The following DGKB variants were observed in gnomAD, a reference collection of about 807,000 sequenced individuals.
DGKB encodes the protein diacylglycerol kinase beta, also known as 90 kDa diacylglycerol kinase.
A neutral mutation model predicts 114.3 loss-of-function variants in DGKB; 67 were observed. That is an observed-to-expected ratio of 0.59 (90% CI 0.48 to 0.72). The LOEUF is 0.72. Ranked by LOEUF, DGKB falls within the 30% of genes least tolerant of loss-of-function variation. The probability of loss-of-function intolerance (pLI) is 0.00; values close to 1 mark genes in which losing one functional copy is unlikely to be tolerated. For missense variants in DGKB, 907 were observed against 975.2 expected (o/e 0.93, Z 0.93); for synonymous variants, 398 against 323.1 (o/e 1.23, Z -2.49).
intron 25 of DGKB, among the ~76,000 whole-genome samples, chr7:14,153,154 T>G (rs1029862678): frequency 4.6e-5 from 7 of 152,114 alleles, no homozygotes; most frequent in Non-Finnish European, 1.0e-4. Context: ...TCTTCCCTGA[T>G]TAGTTTTCCA....
At chr7:14,964,166 C>T (rs947822797) in intron 1 of DGKB, among the ~76,000 whole-genome samples, 5 of 152,014 alleles carry the variant, frequency 3.3e-5, no homozygotes, top group Non-Finnish European at 5.9e-5. Context: ...ATAATATGTG[C>T]TAAGGCATAG....
At chr7:14,855,918 A>G (rs1198837899) in intron 1 of DGKB, among the ~76,000 whole-genome samples, 5 of 151,888 alleles carry the variant, frequency 3.3e-5, no homozygotes, top group Non-Finnish European at 7.4e-5. Context: ...GACACACTAT[A>G]TTAAAATATT....
intron 25 of DGKB, among the ~76,000 whole-genome samples, chr7:14,156,777 G>A (rs554268686): frequency 9.9e-5 from 15 of 152,226 alleles, no homozygotes; most frequent in Middle Eastern, 3.4e-3. Context: ...ATGGATAAAA[G>A]TGGAAATAAT....
intron 2 of DGKB, among the ~76,000 whole-genome samples, chr7:14,758,510 A>C (rs924744819): frequency 6.6e-6 from 1 of 152,154 alleles, no homozygotes; most frequent in African/African-American, 2.4e-5. Context: ...GCTAACAAAT[A>C]TGGGTAAGTC....
Position 14,148,914 on chromosome 7 carries a change from G to A in DGKB, c.*217C>T. ...CCAAAAATATGCAGTATCACTTCAGGTAAACTTCTGCTTTCTTCATGCAAA... is the reference window on the plus strand; with the variant it reads ...CCAAAAATATGCAGTATCACTTCAGATAAACTTCTGCTTTCTTCATGCAAA... On this transcript the variant is annotated 3_prime_UTR_variant, in exon 26 of 26. Coordinates refer to ENST00000402815, the MANE Select transcript of DGKB (RefSeq NM_001350709.2). 1 of 565,200 alleles carries A rather than the reference G, an allele frequency of 1.8e-6. No homozygotes were observed. The highest frequency in any genetic ancestry group is 3.1e-6 in the Non-Finnish European group (1 of 320,066). The allele number at this position is 565,200 out of a possible 1,614,324, so 35.0% of individuals were successfully genotyped here. A position where few individuals can be genotyped will look rare whatever the true frequency, so the allele number is the denominator to read the frequency against.
At chr7:14,477,923 T>TA (rs1563276174) in intron 21 of DGKB, among the ~76,000 whole-genome samples, 1 of 152,106 alleles carries the variant, frequency 6.6e-6, no homozygotes, top group Non-Finnish European at 1.5e-5. Context: ...TCTTTCTTTA[T>TA]AATACATGAG....
At chr7:14,555,396 A>G (rs1406323455) in intron 20 of DGKB, among the ~76,000 whole-genome samples, 1 of 152,212 alleles carries the variant, frequency 6.6e-6, no homozygotes, top group African/African-American at 2.4e-5. Context: ...GTAGGACATT[A>G]TTTCAGAATA....
At chr7:14,682,957 C>G in intron 10 of DGKB, 116 bp from the exon 11 acceptor site, 1 of 694,418 alleles carries the variant, frequency 1.4e-6, no homozygotes, top group South Asian at 1.8e-5. Context: ...CTAATCAATC[C>G]AATCAGCCAC....
chr7:14,283,437 C>T (rs1800305041), intron 23 of DGKB, among the ~76,000 whole-genome samples: 1 of 151,174 alleles, frequency 6.6e-6, no homozygotes. Context: ...GGCCATACTG[C>T]CCAAGGTAAT....
At chr7:14,453,585 A>C in intron 21 of DGKB, among the ~76,000 whole-genome samples, 1 of 152,162 alleles carries the variant, frequency 6.6e-6, no homozygotes, top group Non-Finnish European at 1.5e-5. Context: ...TGTATGACAG[A>C]ACATGAAGTT....
chr7:14,642,022 G>T (rs1232671278), intron 13 of DGKB, among the ~76,000 whole-genome samples: 1 of 151,892 alleles, frequency 6.6e-6, no homozygotes, highest in African/African-American at 2.4e-5. Context: ...TTTTGCTTAG[G>T]GATAGCATGA....
intron 23 of DGKB, among the ~76,000 whole-genome samples, chr7:14,240,922 C>T (rs1218230326): frequency 1.3e-5 from 2 of 152,020 alleles, no homozygotes; most frequent in African/African-American, 2.4e-5. Flanking sequence ...TTTAGGTAAT[C>T]ACTAAGCCTT....
At chr7:14,391,087 T>C (rs1477795112) in intron 21 of DGKB, among the ~76,000 whole-genome samples, 1 of 152,244 alleles carries the variant, frequency 6.6e-6, no homozygotes, top group African/African-American at 2.4e-5. Flanking sequence ...TGTATTCAAT[T>C]TGATACGTTT....
At chr7:14,308,877 G>A (rs1230615149) in intron 23 of DGKB, among the ~76,000 whole-genome samples, 1 of 152,106 alleles carries the variant, frequency 6.6e-6, no homozygotes, top group African/African-American at 2.4e-5. Context: ...ATGTTCTTTT[G>A]TTACAGCCTT....
intron 2 of DGKB, among the ~76,000 whole-genome samples, chr7:14,761,641 G>C (rs1342989714): frequency 6.6e-6 from 1 of 152,164 alleles, no homozygotes; most frequent in Non-Finnish European, 1.5e-5. Context: ...GTAAGACGTG[G>C]CCTCAGTCAT....
chr7:14,581,212 T>C (rs1179167603), intron 18 of DGKB, among the ~76,000 whole-genome samples: 1 of 152,144 alleles, frequency 6.6e-6, no homozygotes, highest in African/African-American at 2.4e-5. Context: ...TTTTTAAATA[T>C]CTTAACTCAG....
At chr7:14,784,299 A>G (rs934176354) in intron 2 of DGKB, among the ~76,000 whole-genome samples, 1 of 151,358 alleles carries the variant, frequency 6.6e-6, no homozygotes, top group Non-Finnish European at 1.5e-5. Flanking sequence ...ATTAAAGTCT[A>G]GTTTTAATCA....
At chr7:14,610,782 A>G (rs544107909) in intron 16 of DGKB, among the ~76,000 whole-genome samples, 2 of 152,140 alleles carry the variant, frequency 1.3e-5, no homozygotes, top group Admixed American at 1.3e-4. Flanking sequence ...ACAAACTTAA[A>G]AAAAATGCCT....
At chr7:14,277,204 T>C (rs1189244806) in intron 23 of DGKB, among the ~76,000 whole-genome samples, 1 of 151,988 alleles carries the variant, frequency 6.6e-6, no homozygotes, top group Non-Finnish European at 1.5e-5. Context: ...AGAGTCTCAC[T>C]CTGTTGCCTG....
Sources: gnomAD v4.1 joint callset for allele counts (sites outside exome capture counted in the v4.1 genomes callset) on GRCh38, gnomAD v4.1.1 for gene constraint, MANE v1.5 for transcripts, NCBI Gene and HGNC (gene_info 2026-07-23, HGNC 2026-07-21) for gene names.